Variants in COL22A1 observed in about 807,000 individuals in gnomAD.
COL22A1 encodes the protein collagen type XXII alpha 1 chain, also known as collagen alpha-1(XXII) chain.
In COL22A1, 221 loss-of-function variants were observed where a neutral mutation model predicts 248.9. The observed-to-expected ratio is 0.89, with a 90% CI of 0.80 to 0.99. The LOEUF (loss-of-function observed/expected upper bound fraction) is 0.99. Among genes scored for constraint, COL22A1 ranks in the 50% least tolerant of loss-of-function variants. The pLI is 0.00. For missense variants in COL22A1, 2,240 were observed against 2,179.0 expected (o/e 1.03, Z -0.56); for synonymous variants, 891 against 793.4 (o/e 1.12, Z -2.07).
intron 12 of COL22A1, among the ~76,000 whole-genome samples, chr8:138,795,300 T>C (rs1382774272): frequency 6.6e-6 from 1 of 152,190 alleles, no homozygotes; most frequent in Non-Finnish European, 1.5e-5. Flanking sequence ...TAAGTTATGC[T>C]GTGTGTTGTG....
At chr8:138,777,868 T>A (rs1277399146) in intron 15 of COL22A1, 1 of 174,952 alleles carries the variant, frequency 5.7e-6, no homozygotes, top group Admixed American at 5.5e-5. Context: ...AGAATAGTGT[T>A]AAATGGTCGA....
At chr8:138,879,941 C>T (rs1461098102) in intron 2 of COL22A1, among the ~76,000 whole-genome samples, 1 of 152,164 alleles carries the variant, frequency 6.6e-6, no homozygotes, top group African/African-American at 2.4e-5. Context: ...GAGGAGAATG[C>T]ACCTGCCTGC....
chr8:138,749,880 C>T (rs1477685398), intron 22 of COL22A1, among the ~76,000 whole-genome samples: 4 of 152,058 alleles, frequency 2.6e-5, no homozygotes, highest in Non-Finnish European at 4.4e-5. Context: ...GAAGTGGGGG[C>T]GAGTGAATCT....
chr8:138,881,513 GTC>G (rs754142792), intron 2 of COL22A1, among the ~76,000 whole-genome samples: 131 of 151,994 alleles, frequency 8.6e-4, no homozygotes, highest in Non-Finnish European at 1.3e-3. Flanking sequence ...GTGAAACCCC[GTC>G]TCTACTAAAA....
chr8:138,713,135 T>C (rs78308175), intron 30 of COL22A1, among the ~76,000 whole-genome samples: 8,315 of 152,180 alleles, frequency 0.055, 228 homozygotes, highest in African/African-American at 0.078. Flanking sequence ...AGTGGAATTT[T>C]TAGAGACCTG....
In COL22A1 at chr8:138,649,593, G is replaced by T. The variant is rs1224429531; in HGVS notation, c.3447+72C>A. The T allele has an allele frequency of 1.9e-6, 3 of 1,551,698 alleles. No homozygotes were observed. In the East Asian group the frequency reaches 7.1e-5, roughly 37 times the overall value. On this transcript the variant is annotated intron_variant, in intron 46 of 64. Transcript: ENST00000303045. ...CCTGAACACCTTCAGAGGCAGATGG[G>T]GCAATACTGAGATCTCCAGAATGAT...
chr8:138,664,209 G>GCGCGCGCACACACA (rs1440442280), intron 41 of COL22A1, among the ~76,000 whole-genome samples: 63 of 103,196 alleles, frequency 6.1e-4, no homozygotes, highest in East Asian at 3.9e-3. Context: ...GCGCGCGCGC[G>GCGCGCGCACACACA]CACACACACA....
rs111818005 is a variant in COL22A1 at position 138,644,580 on chromosome 8, G to A, written c.3501+2049C>T. ...GGACCAGTTTTGGCCAACTCACAGA[G>A]CACGTGTAGTCAAAAGCTTTCATGT... On this transcript the variant is annotated intron_variant, in intron 47 of 64. Transcript: ENST00000303045. Among the ~76,000 whole-genome samples the A allele has an allele frequency of 5.4e-3, 817 of 152,082 alleles. 5 individuals carry two copies. Among genetic ancestry groups the A allele is most frequent in the Admixed American group, 8.5e-3 (130 of 15,270 alleles).
chr8:138,887,048 G>A (rs1172457904), intron 1 of COL22A1, among the ~76,000 whole-genome samples: 2 of 151,978 alleles, frequency 1.3e-5, no homozygotes, highest in Non-Finnish European at 2.9e-5. Flanking sequence ...CTTATCCTTC[G>A]AGTCACAAGC....
intron 31 of COL22A1, among the ~76,000 whole-genome samples, chr8:138,701,956 T>C (rs1467505852): frequency 6.6e-6 from 1 of 152,268 alleles, no homozygotes; most frequent in Non-Finnish European, 1.5e-5. Context: ...GATACAGATA[T>C]TTTGTGATTC....
rs74701043 is a variant in COL22A1 at position 138,851,669 on chromosome 8, G to A, written c.659-7511C>T. On this transcript the variant is annotated intron_variant, in intron 3 of 64. Coordinates refer to ENST00000303045, the MANE Select transcript of COL22A1 (RefSeq NM_152888.3). ...GAGAGGATGGGGAGGAGATGGAGGC[G>A]CAAGGGGAGCTCAGGGGCAGCAGAG... 2.2e-4 allele frequency among the ~76,000 whole-genome samples: 34 copies of A among 152,278 alleles called. No homozygotes were observed. In the East Asian group the frequency reaches 5.4e-3, roughly 24 times the overall value.
chr8:138,679,582 T>C (rs1047938226), intron 40 of COL22A1, 35 bp downstream of exon 40: 4 of 1,593,678 alleles, frequency 2.5e-6, no homozygotes, highest in African/African-American at 2.7e-5. Flanking sequence ...TGTCCTTCTG[T>C]CTTTTTGCAA....
At chr8:138,604,953 A>T (rs1818310497) in intron 58 of COL22A1, among the ~76,000 whole-genome samples, 184 bp from the exon 59 acceptor site, 1 of 152,102 alleles carries the variant, frequency 6.6e-6, no homozygotes, top group Admixed American at 6.5e-5. Flanking sequence ...AAAGCAAAAA[A>T]TCACCCCAGG....
intron 41 of COL22A1, among the ~76,000 whole-genome samples, chr8:138,673,965 C>T (rs1825276351): frequency 6.6e-6 from 1 of 152,188 alleles, no homozygotes; most frequent in East Asian, 1.9e-4. Context: ...AACTCTGCAA[C>T]AACGCCATGC....
intron 41 of COL22A1, among the ~76,000 whole-genome samples, chr8:138,671,137 T>A (rs1250178495): frequency 6.6e-6 from 1 of 152,098 alleles, no homozygotes; most frequent in African/African-American, 2.4e-5. Context: ...TTTTCAACAA[T>A]TTTTAAAAAC....
At position 138,693,637 on chromosome 8, in the gene COL22A1, G is replaced by A. The variant is rs1219505133; in HGVS notation, c.2754+9C>T. 6.3e-7 allele frequency: 1 copy of A among 1,578,718 alleles called. No individual in the cohort carries two copies. The highest frequency in any genetic ancestry group is 8.6e-7 in the Non-Finnish European group (1 of 1,162,208). ...TCCCCCACGAGGCAGGCCGATCATA[G>A]GGACTCACGGGGTTTCCAGCTGCTC... On this transcript the variant is annotated intron_variant, in intron 35 of 64. Transcript: ENST00000303045.
intron 7 of COL22A1, among the ~76,000 whole-genome samples, chr8:138,813,649 CTACACTG>C: frequency 1.5e-5 from 1 of 66,536 alleles, no homozygotes; most frequent in East Asian, 3.5e-4. Context: ...GCGTTTCGTT[CTACACTG>C]AAGGGGCTTC....
At chr8:138,667,024 G>A (rs1308584986) in intron 41 of COL22A1, among the ~76,000 whole-genome samples, 1 of 152,166 alleles carries the variant, frequency 6.6e-6, no homozygotes, top group Non-Finnish European at 1.5e-5. Context: ...TATAAGTAGA[G>A]GAGCAGGCAG....
chr8:138,830,253 C>G (rs1465728778), intron 5 of COL22A1, among the ~76,000 whole-genome samples: 4 of 152,112 alleles, frequency 2.6e-5, no homozygotes, highest in Non-Finnish European at 4.4e-5. Flanking sequence ...GTTGTACCAG[C>G]TAAGTGAAAA....
Sources: gnomAD v4.1 joint callset for allele counts (sites outside exome capture counted in the v4.1 genomes callset) on GRCh38, gnomAD v4.1.1 for gene constraint, MANE v1.5 for transcripts, NCBI Gene and HGNC (gene_info 2026-07-23, HGNC 2026-07-21) for gene names.